CDC45: variants seen among roughly 807,000 people sequenced by gnomAD.
CDC45 encodes the protein cell division cycle 45.
CDC45 carries 54 observed loss-of-function variants against 77.8 expected under a neutral mutation model. The ratio of observed to expected loss-of-function variants is 0.69; its 90% CI spans 0.56 to 0.87. The LOEUF is 0.87. Ranked by LOEUF, CDC45 falls within the 40% of genes least tolerant of loss-of-function variation. The pLI, the probability that CDC45 is intolerant of heterozygous loss-of-function variation, is 0.00. For synonymous variants in CDC45, 260 were observed against 272.1 expected (o/e 0.96, Z 0.44); for missense variants, 649 against 721.6 (o/e 0.90, Z 1.15).
At chr22:19,493,926 T>C (rs2090196647) in intron 5 of CDC45, among the ~76,000 whole-genome samples, 1 of 152,226 alleles carries the variant, frequency 6.6e-6, no homozygotes, top group South Asian at 2.1e-4. Flanking sequence ...ATTAGAATAG[T>C]TCCTAACGCA....
At position 19,483,995 on chromosome 22, in the gene CDC45, G is replaced by T. The variant is rs769448408; in HGVS notation, c.476G>T (p.Arg159Leu). 4.6e-5 allele frequency: 74 copies of T among 1,600,154 alleles called. No individual in the cohort carries two copies. The highest frequency in any genetic ancestry group is 1.5e-4 in the Admixed American group (8 of 54,924). The change falls in exon 5 of 19, where the codon CGG becomes CTG. Residue 159 changes from arginine (R) to leucine (L), a missense_variant. Coordinates refer to ENST00000263201, the MANE Select transcript of CDC45 (RefSeq NM_003504.5). Reference protein sequence around the residue: ...DGSEPSEKRTRLEEEIVEQTM... With the variant: ...DGSEPSEKRTLLEEEIVEQTM... Reference sequence around the variant, plus strand: ...TCAGAGCCTTCTGAGAAGCGCACACGGTTAGAAGAGGTGAGTTTGGGTCTC... The same window carrying T: ...TCAGAGCCTTCTGAGAAGCGCACACTGTTAGAAGAGGTGAGTTTGGGTCTC...
intron 9 of CDC45, among the ~76,000 whole-genome samples, chr22:19,503,088 A>G (rs536826010): frequency 4.7e-4 from 71 of 152,116 alleles, no homozygotes; most frequent in African/African-American, 1.6e-3. Context: ...GATTACTTGA[A>G]CCCGGGAGGT....
chr22:19,483,771 A>G lies in CDC45; in HGVS notation c.343-91A>G, dbSNP rs1474825714. The G allele has an allele frequency of 8.1e-6, 10 of 1,238,578 alleles. No individual in the cohort carries two copies. In the East Asian group the frequency reaches 2.4e-4, roughly 29 times the overall value. 76.7% of individuals were successfully genotyped at this position (1,238,578 alleles called of 1,614,324 possible). ...TATGAACAGGAAACTGAGTCAGCTT[A>G]TTAGGAAATGATAAGATTCTGCAGA... On this transcript the variant is annotated intron_variant, in intron 4 of 18. Coordinates refer to ENST00000263201, the MANE Select transcript of CDC45 (RefSeq NM_003504.5).
intron 11 of CDC45, 47 bp from the exon 12 acceptor site, chr22:19,507,719 C>G: frequency 6.9e-7 from 1 of 1,454,246 alleles, no homozygotes; most frequent in Non-Finnish European, 9.5e-7. Flanking sequence ...TCCACCCTGT[C>G]GGTGTGTGGT....
chr22:19,503,228 G>A (rs1601960464), intron 9 of CDC45, among the ~76,000 whole-genome samples: 1 of 152,128 alleles, frequency 6.6e-6, no homozygotes, highest in East Asian at 1.9e-4. Context: ...TTCTTTTAGT[G>A]GGTAGGTTAC....
chr22:19,504,101 G>A (rs983293570), intron 9 of CDC45, among the ~76,000 whole-genome samples: 6 of 152,166 alleles, frequency 3.9e-5, no homozygotes, highest in African/African-American at 9.6e-5. Flanking sequence ...CAAGGGGCTC[G>A]AGGCTAGACT....
chr22:19,510,119 G>A (rs1933432304), intron 13 of CDC45, among the ~76,000 whole-genome samples: 1 of 152,024 alleles, frequency 6.6e-6, no homozygotes, highest in African/African-American at 2.4e-5. Context: ...ATGCCACCAC[G>A]CCTTGCTAAT....
At chr22:19,516,964 A>G in intron 17 of CDC45, 71 bp downstream of exon 17, 1 of 1,332,032 alleles carries the variant, frequency 7.5e-7, no homozygotes, top group Non-Finnish European at 1.1e-6. Context: ...CCCTGGAACC[A>G]AGCAAGTTGG....
chr22:19,498,926 T>G (rs1305688060), intron 8 of CDC45, among the ~76,000 whole-genome samples, 175 bp from the exon 9 acceptor site: 1 of 152,092 alleles, frequency 6.6e-6, no homozygotes, highest in African/African-American at 2.4e-5. Context: ...CCTTCTAACC[T>G]CTTCACCTCA....
At chr22:19,498,917 C>G (rs995698472) in intron 8 of CDC45, among the ~76,000 whole-genome samples, 184 bp from the exon 9 acceptor site, 1 of 152,186 alleles carries the variant, frequency 6.6e-6, no homozygotes, top group Non-Finnish European at 1.5e-5. Flanking sequence ...CCCAATTACC[C>G]TTCTAACCTC....
intron 13 of CDC45, among the ~76,000 whole-genome samples, chr22:19,510,679 C>T (rs892197939): frequency 3.3e-5 from 5 of 152,120 alleles, no homozygotes; most frequent in African/African-American, 1.2e-4. Flanking sequence ...CAAACGCATG[C>T]CACCAAGCCT....
At chr22:19,497,526 A>T in intron 8 of CDC45, 79 bp downstream of exon 8, 1 of 1,182,564 alleles carries the variant, frequency 8.5e-7, no homozygotes, top group Non-Finnish European at 1.3e-6. Context: ...GTCCTCCCAC[A>T]GGGAGGGTGT....
intron 5 of CDC45, among the ~76,000 whole-genome samples, chr22:19,493,384 T>C (rs956285398): frequency 2.6e-5 from 4 of 152,008 alleles, no homozygotes; most frequent in Non-Finnish European, 2.9e-5. Flanking sequence ...CCAGAGTCCC[T>C]AACTGCTCTG....
At chr22:19,508,714 G>T (rs770193009) in intron 13 of CDC45, 23 bp downstream of exon 13, 3 of 1,609,816 alleles carry the variant, frequency 1.9e-6, no homozygotes, top group Non-Finnish European at 2.5e-6. Flanking sequence ...CTGTGGGTTT[G>T]CCTCATGGGG....
At chr22:19,492,555 T>C (rs890775004) in intron 5 of CDC45, among the ~76,000 whole-genome samples, 3 of 152,210 alleles carry the variant, frequency 2.0e-5, no homozygotes, top group African/African-American at 7.2e-5. Flanking sequence ...GATGGCTGCT[T>C]TAAAATCTTG....
chr22:19,480,266 G>A (rs375507586), intron 2 of CDC45, 49 bp downstream of exon 2: 109 of 1,554,130 alleles, frequency 7.0e-5, no homozygotes, highest in Admixed American at 3.2e-4. Flanking sequence ...CGAGGTGAGG[G>A]TGCTGCGTGG....
chr22:19,503,923 G>A (rs939034804), intron 9 of CDC45, among the ~76,000 whole-genome samples: 5 of 152,238 alleles, frequency 3.3e-5, no homozygotes, highest in Admixed American at 2.6e-4. Context: ...GCTTTGCTGC[G>A]AGCAGTCTAT....
chr22:19,504,011 C>A (rs540514631), intron 9 of CDC45, among the ~76,000 whole-genome samples: 1 of 152,216 alleles, frequency 6.6e-6, no homozygotes, highest in East Asian at 1.9e-4. Flanking sequence ...ACCCAGTGGC[C>A]GCTTGGGCTT....
rs2090262142 is a variant in CDC45, at chr22:19,497,439, C to T, written c.645C>T (p.Asp215=). 1.2e-6 allele frequency: 2 copies of T among 1,613,808 alleles called. No homozygotes were observed. Among genetic ancestry groups the T allele is most frequent in the African/African-American group, 1.3e-5 (1 of 74,934 alleles). Residue 215 remains aspartate, a synonymous_variant, in exon 8 of 19, where the codon GAC becomes GAT. Coordinates refer to ENST00000263201, the MANE Select transcript of CDC45 (RefSeq NM_003504.5). The part of the protein sequence containing the change: ...LAWMLSKDLN[D]MLWWAIVGLT... ...GGATGCTGTCCAAGGACCTGAATGA[C>T]ATGCTGTGGTACGTAGCCCCTGCGG... is the stretch of plus-strand genomic sequence containing the variant.
Sources: allele counts gnomAD v4.1 joint callset (sites outside exome capture counted in the v4.1 genomes callset), GRCh38; gene constraint gnomAD v4.1.1; transcripts MANE v1.5; gene names NCBI Gene and HGNC (gene_info 2026-07-23, HGNC 2026-07-21).